Variants in CEP162 observed in about 807,000 individuals in gnomAD.
CEP162 encodes centrosomal protein of 162 kDa.
A neutral mutation model predicts 169.2 loss-of-function variants in CEP162; 141 were observed. The observed-to-expected ratio is 0.83, with a 90% CI of 0.73 to 0.96. The LOEUF (loss-of-function observed/expected upper bound fraction) is 0.96. Among genes scored for constraint, CEP162 ranks in the 40% least tolerant of loss-of-function variants. CEP162 has a pLI of 0.00. For synonymous variants in CEP162, 540 were observed against 526.4 expected (o/e 1.03, Z -0.35); for missense variants, 1,600 against 1,587.2 (o/e 1.01, Z -0.14).
intron 18 of CEP162, among the ~76,000 whole-genome samples, chr6:84,165,880 T>C (rs764414833): frequency 1.7e-4 from 26 of 152,224 alleles, no homozygotes; most frequent in Non-Finnish European, 3.4e-4. Context: ...TAATCTTCTG[T>C]AGATGTCCTT....
intron 6 of CEP162, among the ~76,000 whole-genome samples, chr6:84,204,578 A>C (rs1034352551): frequency 6.6e-5 from 10 of 152,194 alleles, no homozygotes; most frequent in Non-Finnish European, 1.0e-4. Flanking sequence ...CATTTAAAGC[A>C]GTGTGTAGAG....
intron 23 of CEP162, among the ~76,000 whole-genome samples, chr6:84,149,912 T>C (rs1019632656): frequency 3.3e-5 from 5 of 151,906 alleles, no homozygotes; most frequent in African/African-American, 9.7e-5. Context: ...CTGAATTTTA[T>C]AAGGGCAAAC....
At chr6:84,159,361 A>T (rs1266158983) in intron 21 of CEP162, among the ~76,000 whole-genome samples, 5 of 150,462 alleles carry the variant, frequency 3.3e-5, no homozygotes. Context: ...TCTTAAAATA[A>T]GTTATCTAAT....
chr6:84,215,542 C>T (rs2099551221), intron 4 of CEP162, 77 bp from the exon 5 acceptor site: 3 of 1,254,892 alleles, frequency 2.4e-6, no homozygotes, highest in Non-Finnish European at 3.2e-6. Context: ...CATTTATTGA[C>T]ATTATGTAGT....
At chr6:84,165,709 T>C (rs1362925787) in intron 18 of CEP162, among the ~76,000 whole-genome samples, 1 of 152,212 alleles carries the variant, frequency 6.6e-6, no homozygotes, top group African/African-American at 2.4e-5. Flanking sequence ...AGCAGTCAAC[T>C]TGGTATTTAA....
rs187759880 is a variant in CEP162, at chr6:84,136,800, G to T, written c.3870+9887C>A. The stretch of plus-strand genomic sequence containing the variant: ...GAGAGAGTTTAAAGACACTAGAAGT[G>T]GCTATGTACAGATAACTTTTTTCTT... On this transcript the variant is annotated intron_variant, in intron 25 of 26. Transcript: ENST00000403245. Among the ~76,000 whole-genome samples, 404 of 152,318 alleles carry T rather than the reference G, an allele frequency of 2.7e-3. 2 individuals carry two copies. The highest frequency in any genetic ancestry group is 9.5e-3 in the African/African-American group (393 of 41,560).
chr6:84,144,985 C>T (rs978502338), intron 25 of CEP162, among the ~76,000 whole-genome samples: 2 of 152,074 alleles, frequency 1.3e-5, no homozygotes, highest in Admixed American at 1.3e-4. Context: ...TGTAACACAA[C>T]TGGAAACATC....
At chr6:84,170,875 G>A (rs779391360) in intron 17 of CEP162, among the ~76,000 whole-genome samples, 1 of 152,144 alleles carries the variant, frequency 6.6e-6, no homozygotes, top group Non-Finnish European at 1.5e-5. Context: ...CCATAACCCT[G>A]CCATGATAAA....
intron 25 of CEP162, among the ~76,000 whole-genome samples, chr6:84,137,772 C>T (rs2099514784): frequency 6.6e-6 from 1 of 151,866 alleles, no homozygotes; most frequent in African/African-American, 2.4e-5. Context: ...ATGATGAATA[C>T]TAAAACACAA....
chr6:84,201,005 G>A (rs554780297), intron 8 of CEP162, 100 bp from the exon 9 acceptor site: 31 of 673,052 alleles, frequency 4.6e-5, no homozygotes, highest in Middle Eastern at 4.1e-4. Flanking sequence ...CAGGCCGGGC[G>A]CGGTGGCTCA....
rs538822670 is a variant in CEP162 at position 84,161,555 on chromosome 6, G to C, written c.2676+191C>G. Among the ~76,000 whole-genome samples, 13 of 152,264 alleles carry C rather than the reference G, an allele frequency of 8.5e-5. No homozygotes were observed. The South Asian group carries it at 2.7e-3, about 32-fold the overall frequency. The stretch of plus-strand genomic sequence containing the variant: ...GGACCCCATGGGGGCCTGACAGGTT[G>C]TGATAAGGAGCTTATATTTATTCTC... On this transcript the variant is annotated intron_variant, in intron 20 of 26. Coordinates refer to ENST00000403245, the MANE Select transcript of CEP162 (RefSeq NM_014895.4).
At chr6:84,143,230 T>C (rs766062706) in intron 25 of CEP162, among the ~76,000 whole-genome samples, 49 of 152,028 alleles carry the variant, frequency 3.2e-4, no homozygotes, top group Admixed American at 1.6e-3. Flanking sequence ...TCTTAAATTT[T>C]ACAGAGAAAC....
At chr6:84,148,381 TAGTC>T (rs2099519862) in intron 24 of CEP162, among the ~76,000 whole-genome samples, 1 of 151,948 alleles carries the variant, frequency 6.6e-6, no homozygotes, top group Non-Finnish European at 1.5e-5. Context: ...ATATAAAAAT[TAGTC>T]AGGCATGGTG....
chr6:84,202,526 T>C (rs1247748319), intron 7 of CEP162, among the ~76,000 whole-genome samples: 5 of 121,896 alleles, frequency 4.1e-5, no homozygotes, highest in Non-Finnish European at 3.6e-5. Context: ...TTCTTTTTTT[T>C]TTTTTTTTTT....
At chr6:84,178,609 T>C (rs188203533) in intron 13 of CEP162, among the ~76,000 whole-genome samples, 2 of 152,346 alleles carry the variant, frequency 1.3e-5, no homozygotes, top group East Asian at 3.9e-4. Context: ...CTTTGCTTAA[T>C]ACCTGTATGT....
rs750438587 is a variant in CEP162, at chr6:84,153,078, A to G, written c.3096T>C (p.Asp1032=). 1 of 1,613,400 alleles carries G rather than the reference A, an allele frequency of 6.2e-7. No homozygotes were observed. Among genetic ancestry groups the G allele is most frequent in the Non-Finnish European group, 8.5e-7 (1 of 1,179,678 alleles). Residue 1032 remains aspartate (D), a synonymous_variant, in exon 23 of 27, where the codon GAT becomes GAC. Coordinates refer to ENST00000403245, the MANE Select transcript of CEP162 (RefSeq NM_014895.4). Reference sequence around the variant, plus strand: ...TGATCTGATGGGCTTCCTTGATGTCATCAAGTTCCTTCTCTAGGGCTTTAA... The same window carrying G: ...TGATCTGATGGGCTTCCTTGATGTCGTCAAGTTCCTTCTCTAGGGCTTTAA... ...PRIKALEKEL[D]DIKEAHQITV...
intron 12 of CEP162, 49 bp from the exon 13 acceptor site, chr6:84,185,497 ATTG>A: frequency 6.8e-7 from 1 of 1,468,266 alleles, no homozygotes; most frequent in Non-Finnish European, 9.3e-7. Context: ...AACTTTAACT[ATTG>A]TTGTAAATGA....
chr6:84,194,252 G>C (rs2127724292), intron 10 of CEP162, among the ~76,000 whole-genome samples: 1 of 152,066 alleles, frequency 6.6e-6, no homozygotes, highest in South Asian at 2.1e-4. Flanking sequence ...CTATGCAGGA[G>C]GCTGAGGCAA....
In CEP162 at chr6:84,226,358, C is replaced by T. The variant is rs191845618; in HGVS notation, c.36G>A (p.Glu12=). The change falls in exon 2 of 27, where the codon GAG becomes GAA. Residue 12 remains glutamate, a synonymous_variant. Coordinates refer to ENST00000403245, the MANE Select transcript of CEP162 (RefSeq NM_014895.4). Reference sequence around the variant, plus strand: ...TTACCTCTTTCATAAACTGTTCAAACTCTTCATCTAGCTCTTCTTGGGAAC... The same window carrying T: ...TTACCTCTTTCATAAACTGTTCAAATTCTTCATCTAGCTCTTCTTGGGAAC... The part of the protein sequence containing the change: ...ANCSQEELDE[E]FEQFMKELSD... 3 of 1,565,706 alleles carry T rather than the reference C, an allele frequency of 1.9e-6. No individual in the cohort carries two copies. Among genetic ancestry groups the T allele is most frequent in the East Asian group, 4.6e-5 (2 of 43,248 alleles).
Sources: allele counts gnomAD v4.1 joint callset (sites outside exome capture counted in the v4.1 genomes callset), GRCh38; gene constraint gnomAD v4.1.1; transcripts MANE v1.5; gene names NCBI Gene and HGNC (gene_info 2026-07-23, HGNC 2026-07-21).